Variants in GLDN observed in about 807,000 individuals in gnomAD.
The protein encoded by GLDN is gliomedin.
A neutral mutation model predicts 56.5 loss-of-function variants in GLDN; 47 were observed. That is an observed-to-expected ratio of 0.83 (90% CI 0.66 to 1.06). The LOEUF (loss-of-function observed/expected upper bound fraction) is 1.06, where lower values mean the gene tolerates loss of function less well. Among genes scored for constraint, GLDN ranks in the 50% least tolerant of loss-of-function variants. GLDN has a pLI of 0.00. For synonymous variants in GLDN, 332 were observed against 278.8 expected, an observed-to-expected ratio of 1.19 and a Z score of -1.90; for missense variants, 782 against 714.3, an observed-to-expected ratio of 1.09 and a Z score of -1.08.
chr15:51,358,834 G>A (rs533077084), intron 1 of GLDN, among the ~76,000 whole-genome samples: 7 of 152,156 alleles, frequency 4.6e-5, no homozygotes, highest in East Asian at 3.9e-4. Flanking sequence ...GCCTCTTCCC[G>A]GAGGAGAGAC....
chr15:51,387,805 GCAA>G (rs1296130086), intron 4 of GLDN, among the ~76,000 whole-genome samples: 1 of 152,100 alleles, frequency 6.6e-6, no homozygotes, highest in African/African-American at 2.4e-5. Flanking sequence ...GTGCCCTCTA[GCAA>G]CAACCTTTGG....
chr15:51,354,163 A>G (rs761499040), intron 1 of GLDN, among the ~76,000 whole-genome samples: 11 of 152,238 alleles, frequency 7.2e-5, no homozygotes, highest in Non-Finnish European at 1.3e-4. Context: ...TCTGCCACCC[A>G]GAAAAAGTCT....
chr15:51,404,742 C>A lies in GLDN; in HGVS notation c.1644C>A (p.Thr548=), dbSNP rs146247479. Residue 548 remains threonine, a synonymous_variant, in exon 10 of 10, where the codon ACC becomes ACA. Transcript: ENST00000335449. The stretch of plus-strand genomic sequence containing the variant: ...ATCCTGTGCAGTTTTTGTCAACTAC[C>A]TTAAATCAGTGATGTGCTGCATTCG... ...MLYPVQFLST[T]LNQ The A allele has an allele frequency of 1.9e-6, 3 of 1,560,418 alleles. No homozygotes were observed. The highest frequency in any genetic ancestry group is 2.6e-6 in the Non-Finnish European group (3 of 1,133,056).
At chr15:51,349,249 C>G (rs1398081744) in intron 1 of GLDN, among the ~76,000 whole-genome samples, 1 of 152,268 alleles carries the variant, frequency 6.6e-6, no homozygotes, top group Admixed American at 6.5e-5. Flanking sequence ...CCTACAGTCA[C>G]AGCTCCTGTT....
chr15:51,384,209 C>A, intron 4 of GLDN: 1 of 362,432 alleles, frequency 2.8e-6, no homozygotes, highest in Non-Finnish European at 5.1e-6. Flanking sequence ...CGTGTGACAG[C>A]TGGTGCTGGT....
chr15:51,355,805 G>C (rs917589036), intron 1 of GLDN, among the ~76,000 whole-genome samples: 1 of 150,654 alleles, frequency 6.6e-6, no homozygotes, highest in African/African-American at 2.4e-5. Flanking sequence ...TTACAGGCGT[G>C]AGCCACCACA....
chr15:51,341,951 A>G lies in GLDN; in HGVS notation c.267A>G (p.Ser89=), dbSNP rs2036891988. ...ASAPPQDPAS[S]ARNKRSHSGE... is the part of the protein sequence containing the mutation. ...CACCACCCCAAGACCCGGCCAGCTC[A>G]GCTCGCAACAAGCGCAGCCACAGCG... Residue 89 remains serine (S), a synonymous_variant, in exon 1 of 10, where the codon TCA becomes TCG. Transcript: ENST00000335449. 2.5e-6 allele frequency: 4 copies of G among 1,597,192 alleles called. No homozygotes were observed. The African/African-American group carries it at 4.0e-5, about 16-fold the overall frequency.
intron 1 of GLDN, among the ~76,000 whole-genome samples, chr15:51,348,318 TA>T (rs1190630391): frequency 6.9e-6 from 1 of 145,690 alleles, no homozygotes; most frequent in Non-Finnish European, 1.5e-5. Context: ...TTTTCTTTTT[TA>T]TTTTTTTATT....
chr15:51,383,728 G>A (rs897398470), intron 3 of GLDN, 57 bp from the exon 4 acceptor site: 2 of 1,276,878 alleles, frequency 1.6e-6, no homozygotes, highest in Non-Finnish European at 2.2e-6. Flanking sequence ...AGTAACTTCA[G>A]TGAATAATTT....
At chr15:51,402,192 T>C (rs2038268935) in intron 9 of GLDN, among the ~76,000 whole-genome samples, 1 of 152,242 alleles carries the variant, frequency 6.6e-6, no homozygotes, top group Non-Finnish European at 1.5e-5. Flanking sequence ...CAAGCGTCTC[T>C]GCCTTCAGAT....
In GLDN at chr15:51,383,810, A is replaced by T. The variant is rs1473246974; in HGVS notation, c.459A>T (p.Pro153=). The T allele has an allele frequency of 6.2e-7, 1 of 1,612,174 alleles. No homozygotes were observed. Among genetic ancestry groups the T allele is most frequent in the East Asian group, 2.2e-5 (1 of 44,812 alleles). ...PPGPPGAGGL[P]GHNGLDGQPG... Reference sequence around the variant, plus strand: ...GACCTCCGGGAGCCGGCGGGTTGCCAGGACACAACGGATTGGATGGACAGC... The same window carrying T: ...GACCTCCGGGAGCCGGCGGGTTGCCTGGACACAACGGATTGGATGGACAGC... The change falls in exon 4 of 10, where the codon CCA becomes CCT. Residue 153 remains proline, a synonymous_variant. Coordinates refer to ENST00000335449, the MANE Select transcript of GLDN (RefSeq NM_181789.4).
chr15:51,355,692 C>CT (rs1345522797), intron 1 of GLDN, among the ~76,000 whole-genome samples: 2 of 150,336 alleles, frequency 1.3e-5, no homozygotes, highest in African/African-American at 4.9e-5. Flanking sequence ...CCCGGCTAAT[C>CT]TTTTGTATTT....
chr15:51,365,944 C>G (rs557950684), intron 1 of GLDN, among the ~76,000 whole-genome samples: 1 of 152,220 alleles, frequency 6.6e-6, no homozygotes, highest in African/African-American at 2.4e-5. Flanking sequence ...AGAGCCTGTC[C>G]CCTTTAAGAA....
chr15:51,409,945 C>T (rs2038448106), downstream of GLDN, among the ~76,000 whole-genome samples: 1 of 152,206 alleles, frequency 6.6e-6, no homozygotes, highest in Admixed American at 6.5e-5. Flanking sequence ...ATATGCCAAA[C>T]CCAGCCTCAT....
In GLDN at chr15:51,395,747, G is replaced by C. The variant is rs138349346; in HGVS notation, c.688+766G>C. 1.9e-3 allele frequency among the ~76,000 whole-genome samples: 253 copies of C among 131,444 alleles called. 11 individuals are homozygous for C. The East Asian group carries it at 0.042, about 22-fold the overall frequency. 86.2% of individuals were successfully genotyped at this position (131,444 alleles called of 152,430 possible). On this transcript the variant is annotated intron_variant, in intron 5 of 9. Transcript: ENST00000335449. Reference sequence around the variant, plus strand: ...ATTACTATAAATTACCTGAGACTGGGTAATTTATATATTTAAAAAAAGGTT... The same window carrying C: ...ATTACTATAAATTACCTGAGACTGGCTAATTTATATATTTAAAAAAAGGTT...
chr15:51,412,916 C>T (rs145597702), downstream of GLDN, among the ~76,000 whole-genome samples: 1 of 151,964 alleles, frequency 6.6e-6, no homozygotes, highest in Non-Finnish European at 1.5e-5. Flanking sequence ...TATGATTGGC[C>T]CCTTTAAGAA....
chr15:51,391,235 GC>G (rs2141115896), intron 4 of GLDN, among the ~76,000 whole-genome samples: 1 of 152,216 alleles, frequency 6.6e-6, no homozygotes, highest in Admixed American at 6.5e-5. Context: ...CCTGTGGGGG[GC>G]GCATTACAAC....
chr15:51,411,163 G>A (rs895586537), downstream of GLDN, among the ~76,000 whole-genome samples: 2 of 152,308 alleles, frequency 1.3e-5, no homozygotes, highest in Middle Eastern at 3.4e-3. Flanking sequence ...AAAGCTGAGC[G>A]TGACTAATCA....
At chr15:51,393,656 C>T (rs1483027179) in intron 4 of GLDN, among the ~76,000 whole-genome samples, 1 of 152,202 alleles carries the variant, frequency 6.6e-6, no homozygotes, top group African/African-American at 2.4e-5. Context: ...TCCTTCTCCC[C>T]AAACTCTGAT....
Sources: gnomAD v4.1 joint callset for allele counts (sites outside exome capture counted in the v4.1 genomes callset) on GRCh38, gnomAD v4.1.1 for gene constraint, MANE v1.5 for transcripts, NCBI Gene and HGNC (gene_info 2026-07-23, HGNC 2026-07-21) for gene names.